Variants in KANSL2 observed in about 807,000 individuals in gnomAD.
KANSL2 encodes NSL complex protein NSL2.
KANSL2 carries 34 observed loss-of-function variants against 55.6 expected under a neutral mutation model. The observed-to-expected ratio is 0.61, with a 90% CI of 0.46 to 0.81. The LOEUF (loss-of-function observed/expected upper bound fraction) is 0.81, where lower values mean the gene tolerates loss of function less well. Among genes scored for constraint, KANSL2 ranks in the 40% least tolerant of loss-of-function variants. KANSL2 has a pLI of 0.00. For synonymous variants in KANSL2, 209 were observed against 214.3 expected, an observed-to-expected ratio of 0.98 and a Z score of 0.22; for missense variants, 502 against 609.9, an observed-to-expected ratio of 0.82 and a Z score of 1.86.
intron 8 of KANSL2, 145 bp downstream of exon 8, chr12:48,660,221 G>T: frequency 1.3e-6 from 1 of 761,422 alleles, no homozygotes; most frequent in Non-Finnish European, 2.0e-6. Flanking sequence ...AAATGAATAT[G>T]CTAACATATA....
chr12:48,653,898 T>G lies in KANSL2; in HGVS notation c.*146A>C. 1.4e-6 allele frequency: 1 copy of G among 727,592 alleles called. No homozygotes were observed. 45.1% of individuals were successfully genotyped at this position (727,592 alleles called of 1,614,324 possible). Reference sequence around the variant, plus strand: ...AAACCCACGGTCCACGTCCTCAAAATTTGGCTTTACGTTTGACTATAATAC... The same window carrying G: ...AAACCCACGGTCCACGTCCTCAAAAGTTGGCTTTACGTTTGACTATAATAC... On this transcript the variant is annotated 3_prime_UTR_variant, in exon 10 of 10. Transcript: ENST00000420613.
At chr12:48,671,629 G>A (rs114058942) in intron 5 of KANSL2, among the ~76,000 whole-genome samples, 170 bp downstream of exon 5, 2,709 of 152,300 alleles carry the variant, frequency 0.018, 89 homozygotes, top group African/African-American at 0.062. Context: ...TTGCAGCCTA[G>A]GTATGTTGCA....
chr12:48,656,610 TAAA>T (rs149545016), intron 8 of KANSL2: 4,364 of 319,372 alleles, frequency 0.014, no homozygotes, highest in South Asian at 0.018. Flanking sequence ...TTTTGCTCTG[TAAA>T]AAAAAAAAAA....
At chr12:48,670,639 A>G (rs1939694550) in intron 5 of KANSL2, among the ~76,000 whole-genome samples, 1 of 152,230 alleles carries the variant, frequency 6.6e-6, no homozygotes, top group African/African-American at 2.4e-5. Flanking sequence ...AAGTGTTATT[A>G]CAGAGTCCAG....
At position 48,653,953 on chromosome 12, in the gene KANSL2, G is replaced by C; in HGVS notation, c.*91C>G. On this transcript the variant is annotated 3_prime_UTR_variant, in exon 10 of 10. Transcript: ENST00000420613. ...TCCAGAAGAAAAACAAGGTAGTCTG[G>C]GTTGCCTGTGTTTTGTGAGAGATGA... 1 of 1,321,826 alleles carries C rather than the reference G, an allele frequency of 7.6e-7. No homozygotes were observed. Among genetic ancestry groups the C allele is most frequent in the Non-Finnish European group, 1.0e-6 (1 of 981,470 alleles). The allele number at this position is 1,321,826 out of a possible 1,614,324, so 81.9% of individuals were successfully genotyped here.
chr12:48,657,426 A>G (rs1298826179), intron 8 of KANSL2, among the ~76,000 whole-genome samples: 12 of 151,952 alleles, frequency 7.9e-5, no homozygotes, highest in African/African-American at 2.9e-4. Flanking sequence ...CTCTGTCTCA[A>G]AAAAAAATAA....
intron 8 of KANSL2, 39 bp from the exon 9 acceptor site, chr12:48,655,099 A>C: frequency 6.5e-7 from 1 of 1,547,008 alleles, no homozygotes; most frequent in Non-Finnish European, 8.7e-7. Context: ...ATACCAAGGG[A>C]AACAGTAATA....
In KANSL2 at chr12:48,654,187, AAT is replaced by A. The variant is rs1413141471; in HGVS notation, c.1348-14_1348-13del. On this transcript the variant is annotated splice_polypyrimidine_tract_variant and intron_variant, in intron 9 of 9. Coordinates refer to ENST00000420613, the MANE Select transcript of KANSL2 (RefSeq NM_017822.4). ...ATCTGCATCTGGCCCTGTTAAAAGAAATAAAGGCACTTCAGTTAGTAATTCAT... is the reference window on the plus strand; with the variant it reads ...ATCTGCATCTGGCCCTGTTAAAAGAAAAAGGCACTTCAGTTAGTAATTCAT... 1.3e-6 allele frequency: 2 copies of A among 1,589,568 alleles called. No individual in the cohort carries two copies. Among genetic ancestry groups the A allele is most frequent in the Non-Finnish European group, 1.7e-6 (2 of 1,171,340 alleles).
intron 8 of KANSL2, among the ~76,000 whole-genome samples, chr12:48,658,154 C>A (rs1429013209): frequency 6.6e-6 from 1 of 152,044 alleles, no homozygotes; most frequent in African/African-American, 2.4e-5. Context: ...TCGCTTGAAC[C>A]CAGGAGGCAG....
At chr12:48,663,146 A>G (rs1427636893) in intron 7 of KANSL2, among the ~76,000 whole-genome samples, 1 of 152,238 alleles carries the variant, frequency 6.6e-6, no homozygotes, top group East Asian at 1.9e-4. Context: ...AAAAATGTTA[A>G]GGCTGTCTCA....
At chr12:48,674,843 T>C (rs900812213) in intron 4 of KANSL2, among the ~76,000 whole-genome samples, 35 of 151,992 alleles carry the variant, frequency 2.3e-4, no homozygotes, top group Admixed American at 5.9e-4. Context: ...GGAGAATCAC[T>C]TGAACCTGGT....
At chr12:48,672,747 A>G (rs542862795) in intron 4 of KANSL2, among the ~76,000 whole-genome samples, 3 of 151,868 alleles carry the variant, frequency 2.0e-5, no homozygotes, top group South Asian at 4.2e-4. Context: ...TTAAAGCACT[A>G]AAGATACCAA....
rs1939318269 is a variant in KANSL2 at position 48,653,308 on chromosome 12, T to C, written c.*736A>G. ...AGCTACTGAAGATTTATTTACTTCT[T>C]GGGATGGAAGTATCATCTGTCCCAA... On this transcript the variant is annotated 3_prime_UTR_variant, in exon 10 of 10. Transcript: ENST00000420613. 6.6e-6 allele frequency: 1 copy of C among 152,628 alleles called. No individual in the cohort carries two copies. The highest frequency in any genetic ancestry group is 2.4e-5 in the African/African-American group (1 of 41,448). The allele number at this position is 152,628 out of a possible 1,614,324, so 9.5% of individuals were successfully genotyped here.
chr12:48,670,610 A>G (rs2137193889), intron 5 of KANSL2, among the ~76,000 whole-genome samples: 1 of 152,290 alleles, frequency 6.6e-6, no homozygotes, highest in Middle Eastern at 3.4e-3. Context: ...ACAGCTGTAC[A>G]GTGTTTGTGT....
In KANSL2 at chr12:48,655,035, A is replaced by G. The variant is rs1939350683; in HGVS notation, c.1253T>C (p.Met418Thr). The part of the protein sequence containing the change: ...SDDLDVVGDG[M>T]QCPPSPLLFD... ...AAGCAAAGGTGAAGGAGGACACTGCATACCATCACCCACAACATCCAAGTC... is the reference window on the plus strand; with the variant it reads ...AAGCAAAGGTGAAGGAGGACACTGCGTACCATCACCCACAACATCCAAGTC... Residue 418 changes from methionine to threonine, a missense_variant, in exon 9 of 10, where the codon ATG (methionine) becomes ACG (threonine). Met to Thr is a moderately conservative substitution (Grantham distance 81). Coordinates refer to ENST00000420613, the MANE Select transcript of KANSL2 (RefSeq NM_017822.4). 6.3e-7 allele frequency: 1 copy of G among 1,583,600 alleles called. No individual in the cohort carries two copies. Among genetic ancestry groups the G allele is most frequent in the Non-Finnish European group, 8.6e-7 (1 of 1,164,428 alleles).
At chr12:48,661,402 T>G (rs1592099002) in intron 7 of KANSL2, among the ~76,000 whole-genome samples, 2 of 152,280 alleles carry the variant, frequency 1.3e-5, no homozygotes, top group East Asian at 3.9e-4. Context: ...TGAACCAAAA[T>G]TGAGATGATT....
intron 5 of KANSL2, among the ~76,000 whole-genome samples, chr12:48,670,335 AAG>A (rs1287264723): frequency 6.6e-6 from 1 of 152,146 alleles, no homozygotes; most frequent in East Asian, 1.9e-4. Context: ...TAAAAAAAAA[AAG>A]TTAAATGTAA....
chr12:48,672,408 CGT>C (rs2053992193), intron 4 of KANSL2, among the ~76,000 whole-genome samples: 2 of 104,350 alleles, frequency 1.9e-5, no homozygotes, highest in Admixed American at 1.2e-4. Context: ...TATATATATA[CGT>C]ATATATATAT....
chr12:48,653,918 T>C lies in KANSL2; in HGVS notation c.*126A>G. ...CAAAATTTGGCTTTACGTTTGACTA[T>C]AATACTCAATCCAGAAGAAAAACAA... On this transcript the variant is annotated 3_prime_UTR_variant, in exon 10 of 10. Coordinates refer to ENST00000420613, the MANE Select transcript of KANSL2 (RefSeq NM_017822.4). 4 of 1,062,420 alleles carry C rather than the reference T, an allele frequency of 3.8e-6. No homozygotes were observed. Among genetic ancestry groups the C allele is most frequent in the South Asian group, 1.8e-5 (1 of 54,784 alleles). 65.8% of individuals were successfully genotyped at this position (1,062,420 alleles called of 1,614,324 possible). A position where few individuals can be genotyped will look rare whatever the true frequency, so the allele number is the denominator to read the frequency against.
Sources: allele counts gnomAD v4.1 joint callset (sites outside exome capture counted in the v4.1 genomes callset), GRCh38; gene constraint gnomAD v4.1.1; transcripts MANE v1.5; gene names NCBI Gene and HGNC (gene_info 2026-07-23, HGNC 2026-07-21).